MAPK10: variants seen among roughly 807,000 people sequenced by gnomAD.
MAPK10 encodes the protein JNK3 alpha protein kinase.
Under a neutral mutation model 59.3 loss-of-function variants are expected in MAPK10, and 25 were observed. The observed-to-expected ratio is 0.42, with a 90% confidence interval of 0.31 to 0.59. The LOEUF is 0.59. Among genes scored for constraint, MAPK10 ranks in the 20% least tolerant of loss-of-function variants. The probability of loss-of-function intolerance (pLI) is 0.15; values close to 1 mark genes in which losing one functional copy is unlikely to be tolerated. For missense variants in MAPK10, 351 were observed against 568.9 expected (o/e 0.62, Z 3.90); for synonymous variants, 190 against 200.5 (o/e 0.95, Z 0.44).
At chr4:86,291,640 CG>C (rs1169924732) in intron 2 of MAPK10, among the ~76,000 whole-genome samples, 2 of 151,938 alleles carry the variant, frequency 1.3e-5, no homozygotes, top group Non-Finnish European at 2.9e-5. Context: ...ACATTTATAC[CG>C]TAGTATAAAT....
At chr4:86,277,941 CA>C (rs959211327) in intron 2 of MAPK10, among the ~76,000 whole-genome samples, 1 of 151,856 alleles carries the variant, frequency 6.6e-6, no homozygotes, top group African/African-American at 2.4e-5. Context: ...CCTAAGGATG[CA>C]AAAAATTAAG....
chr4:86,025,312 T>C, intron 13 of MAPK10: 1 of 390,044 alleles, frequency 2.6e-6, no homozygotes, highest in Admixed American at 4.4e-5. Flanking sequence ...TGACTCCCTC[T>C]ATTGCGCTAT....
chr4:86,079,265 A>G (rs2050151971), intron 9 of MAPK10, among the ~76,000 whole-genome samples: 1 of 152,204 alleles, frequency 6.6e-6, no homozygotes, highest in Admixed American at 6.5e-5. Context: ...AATAAGGGAC[A>G]TGGAATATCC....
chr4:86,072,396 T>C (rs199958744), intron 9 of MAPK10, among the ~76,000 whole-genome samples: 67,119 of 145,458 alleles, frequency 0.46, 16,555 homozygotes, highest in African/African-American at 0.64. Context: ...CCTTCTCCTG[T>C]CTAATTGCCC....
chr4:86,378,936 T>C (rs964080773), intron 1 of MAPK10, among the ~76,000 whole-genome samples: 1 of 152,146 alleles, frequency 6.6e-6, no homozygotes, highest in African/African-American at 2.4e-5. Flanking sequence ...CATGGAAGAA[T>C]TGAAATGTAG....
intron 2 of MAPK10, among the ~76,000 whole-genome samples, chr4:86,343,681 A>T (rs1726414582): frequency 6.6e-6 from 1 of 152,198 alleles, no homozygotes; most frequent in Non-Finnish European, 1.5e-5. Flanking sequence ...ACATGGTTCA[A>T]CATTGTCACT....
chr4:86,068,429 A>C (rs2047139032), intron 9 of MAPK10, among the ~76,000 whole-genome samples: 1 of 152,090 alleles, frequency 6.6e-6, no homozygotes, highest in Non-Finnish European at 1.5e-5. Flanking sequence ...ACTATCTTTA[A>C]GATATTTTTT....
At chr4:86,338,138 C>T (rs1006669718) in intron 2 of MAPK10, among the ~76,000 whole-genome samples, 2 of 152,180 alleles carry the variant, frequency 1.3e-5, no homozygotes, top group African/African-American at 4.8e-5. Flanking sequence ...TGTGTCCTAA[C>T]CGAAAATCTC....
intron 2 of MAPK10, among the ~76,000 whole-genome samples, chr4:86,320,364 T>G (rs1365653330): frequency 1.3e-5 from 2 of 152,224 alleles, no homozygotes; most frequent in Non-Finnish European, 2.9e-5. Context: ...AATGAGAGCC[T>G]GCAGTGATAG....
chr4:86,322,428 C>G (rs943244894), intron 2 of MAPK10, among the ~76,000 whole-genome samples: 2 of 152,128 alleles, frequency 1.3e-5, no homozygotes, highest in South Asian at 2.1e-4. Context: ...CAGTTACGAA[C>G]GTCTAACATA....
intron 2 of MAPK10, among the ~76,000 whole-genome samples, chr4:86,277,727 A>G (rs139658183): frequency 9.6e-4 from 146 of 152,204 alleles, no homozygotes; most frequent in African/African-American, 3.3e-3. Flanking sequence ...ATGGTGGCAC[A>G]TCAAACATTG....
intron 2 of MAPK10, among the ~76,000 whole-genome samples, chr4:86,311,718 A>T (rs1297304258): frequency 6.6e-6 from 1 of 152,106 alleles, no homozygotes. Context: ...GCCTCTCTAA[A>T]AAGAGAATCA....
At chr4:86,360,216 C>A (rs1341141523), upstream of MAPK10, 2 of 985,696 alleles carry the variant, frequency 2.0e-6, no homozygotes, top group Non-Finnish European at 2.4e-6. Flanking sequence ...CTGTGTTTTC[C>A]GGTGAAATGA....
At chr4:86,493,331 GTTA>G (rs765256896) in intron 1 of MAPK10, among the ~76,000 whole-genome samples, 1 of 152,144 alleles carries the variant, frequency 6.6e-6, no homozygotes, top group Non-Finnish European at 1.5e-5. Context: ...GTCCTAGTAA[GTTA>G]TTATTTGTTC....
chr4:86,225,388 T>A (rs2090430433), intron 2 of MAPK10, among the ~76,000 whole-genome samples: 1 of 152,198 alleles, frequency 6.6e-6, no homozygotes, highest in Non-Finnish European at 1.5e-5. Flanking sequence ...GCCTTCCTGG[T>A]AGACATGTAG....
At chr4:86,171,418 C>T (rs377451807) in intron 3 of MAPK10, among the ~76,000 whole-genome samples, 133 of 151,822 alleles carry the variant, frequency 8.8e-4, no homozygotes, top group East Asian at 3.5e-3. Flanking sequence ...TCAGAAATAA[C>T]GCTGCATATC....
At position 86,359,716 on chromosome 4, in the gene MAPK10, C is replaced by G; in HGVS notation, c.-180G>C. 7 of 985,766 alleles carry G rather than the reference C, an allele frequency of 7.1e-6. No individual in the cohort carries two copies. Among genetic ancestry groups the G allele is most frequent in the Non-Finnish European group, 8.4e-6 (7 of 829,922 alleles). 61.1% of individuals were successfully genotyped at this position (985,766 alleles called of 1,614,324 possible). On this transcript the variant is annotated 5_prime_UTR_variant, in exon 1 of 14. The change abolishes the stop of an existing upstream ORF in the 5' untranslated region. Transcript: ENST00000641462. ...GCAGTGTTTGCCCCAGAAATCCTCC[C>G]TACTTGTTTTTCATTAACCACATTC... is the stretch of plus-strand genomic sequence containing the variant.
chr4:86,547,589 C>T (rs1352730744), intron 1 of MAPK10, among the ~76,000 whole-genome samples: 2 of 152,324 alleles, frequency 1.3e-5, no homozygotes, highest in East Asian at 1.9e-4. Context: ...AGCGCCGCCC[C>T]CTGCTCCACA....
At chr4:86,509,622 C>T (rs1756062705) in intron 1 of MAPK10, among the ~76,000 whole-genome samples, 1 of 152,058 alleles carries the variant, frequency 6.6e-6, no homozygotes, top group Admixed American at 6.6e-5. Flanking sequence ...CCAGTCCCAG[C>T]TAAAATGTAA....
Sources: gnomAD v4.1 joint callset for allele counts (sites outside exome capture counted in the v4.1 genomes callset) on GRCh38, gnomAD v4.1.1 for gene constraint, MANE v1.5 for transcripts, NCBI Gene and HGNC (gene_info 2026-07-23, HGNC 2026-07-21) for gene names.